Variants in MAD1L1 observed in about 807,000 individuals in gnomAD.
MAD1L1 encodes mitotic arrest deficient 1 like 1.
MAD1L1 carries 95 observed loss-of-function variants against 96.9 expected under a neutral mutation model. That is an observed-to-expected ratio of 0.98 (90% CI 0.83 to 1.16). MAD1L1 has a LOEUF of 1.16. Ranked by LOEUF, MAD1L1 falls within the 50% of genes most tolerant of loss-of-function variation. The probability of loss-of-function intolerance (pLI) is 0.00; values close to 1 mark genes in which losing one functional copy is unlikely to be tolerated. For synonymous variants in MAD1L1, 473 were observed against 396.6 expected, an observed-to-expected ratio of 1.19 and a Z score of -2.29; for missense variants, 1,007 against 954.4, an observed-to-expected ratio of 1.06 and a Z score of -0.73.
intron 17 of MAD1L1, among the ~76,000 whole-genome samples, chr7:1,900,363 G>T (rs1787170279): frequency 6.6e-6 from 1 of 152,218 alleles, no homozygotes; most frequent in African/African-American, 2.4e-5. Context: ...GTCAGCAGAG[G>T]GGCCCTGGCG....
intron 10 of MAD1L1, among the ~76,000 whole-genome samples, chr7:2,178,705 TG>T (rs1342526031): frequency 6.6e-6 from 1 of 152,156 alleles, no homozygotes; most frequent in African/African-American, 2.4e-5. Flanking sequence ...GAGACAAGCC[TG>T]GCCAACATGG....
At chr7:2,020,274 G>T (rs571345910) in intron 12 of MAD1L1, among the ~76,000 whole-genome samples, 5 of 152,078 alleles carry the variant, frequency 3.3e-5, no homozygotes, top group African/African-American at 1.2e-4. Flanking sequence ...ACTAACCCCC[G>T]CTCTGGGCTG....
intron 11 of MAD1L1, among the ~76,000 whole-genome samples, chr7:2,130,762 T>C (rs963814862): frequency 6.6e-6 from 1 of 152,144 alleles, no homozygotes; most frequent in Non-Finnish European, 1.5e-5. Context: ...CAGTCACCGA[T>C]CTTTGTGATG....
chr7:1,987,564 T>A lies in MAD1L1; in HGVS notation c.1417-7023A>T, dbSNP rs377172238. On this transcript the variant is annotated intron_variant, in intron 14 of 18. Coordinates refer to ENST00000265854, the MANE Select transcript of MAD1L1 (RefSeq NM_001013836.2). ...TCAGTATTTAAGGGAAGGAAAGCCA[T>A]CGGGGAGGGGGGGAGAGGCAGGTGG... 1.1e-4 allele frequency among the ~76,000 whole-genome samples: 16 copies of A among 141,468 alleles called. No homozygotes were observed. The East Asian group carries it at 3.1e-3, about 28-fold the overall frequency. 92.8% of individuals were successfully genotyped at this position (141,468 alleles called of 152,430 possible).
At chr7:2,000,477 G>A (rs990084589) in intron 14 of MAD1L1, among the ~76,000 whole-genome samples, 9 of 152,248 alleles carry the variant, frequency 5.9e-5, no homozygotes, top group Non-Finnish European at 1.0e-4. Context: ...CAACCACCGC[G>A]GACCCCGCTT....
intron 12 of MAD1L1, among the ~76,000 whole-genome samples, chr7:2,030,213 G>A (rs1004077126): frequency 1.1e-4 from 17 of 152,122 alleles, no homozygotes; most frequent in African/African-American, 3.4e-4. Context: ...CGCGCTCCAC[G>A]GAAGGTCCAC....
At chr7:2,205,816 T>C (rs1329953972) in intron 10 of MAD1L1, among the ~76,000 whole-genome samples, 2 of 150,876 alleles carry the variant, frequency 1.3e-5, no homozygotes, top group Non-Finnish European at 2.9e-5. Context: ...ATTTACCACC[T>C]ATATATCTTC....
At chr7:1,929,284 G>A (rs1420139760) in intron 17 of MAD1L1, among the ~76,000 whole-genome samples, 1 of 152,130 alleles carries the variant, frequency 6.6e-6, no homozygotes, top group Non-Finnish European at 1.5e-5. Flanking sequence ...AGGATCAGCT[G>A]TGCCCACACA....
intron 16 of MAD1L1, among the ~76,000 whole-genome samples, chr7:1,938,788 G>A (rs1409467929): frequency 7.7e-6 from 1 of 129,826 alleles, no homozygotes; most frequent in East Asian, 2.5e-4. Flanking sequence ...ACAGAGACCA[G>A]GACTGGGACC....
intron 18 of MAD1L1, among the ~76,000 whole-genome samples, chr7:1,874,207 G>A (rs1420537287): frequency 1.3e-5 from 2 of 152,206 alleles, no homozygotes; most frequent in African/African-American, 4.8e-5. Context: ...GGCCGTCTCG[G>A]TGCACGGCTG....
intron 11 of MAD1L1, among the ~76,000 whole-genome samples, chr7:2,123,775 A>C (rs1788097169): frequency 6.6e-6 from 1 of 152,246 alleles, no homozygotes; most frequent in Non-Finnish European, 1.5e-5. Flanking sequence ...GGAATCAGTC[A>C]GGTAAATGCC....
At chr7:2,229,152 C>G (rs1794065755) in intron 3 of MAD1L1, among the ~76,000 whole-genome samples, 1 of 152,218 alleles carries the variant, frequency 6.6e-6, no homozygotes, top group African/African-American at 2.4e-5. Context: ...GCGCAGGAAG[C>G]CAGAGCCTCC....
chr7:2,220,213 A>G lies in MAD1L1; in HGVS notation c.472-757T>C, dbSNP rs550684227. Reference sequence around the variant, plus strand: ...GGGGAGGCCGTGCGCTTGGAACGGGAGCACGCGGCACGGGCAGGAGCGCCC... The same window carrying G: ...GGGGAGGCCGTGCGCTTGGAACGGGGGCACGCGGCACGGGCAGGAGCGCCC... On this transcript the variant is annotated intron_variant, in intron 5 of 18. Coordinates refer to ENST00000265854, the MANE Select transcript of MAD1L1 (RefSeq NM_001013836.2). 2.3e-3 allele frequency among the ~76,000 whole-genome samples: 357 copies of G among 152,276 alleles called. 3 individuals carry two copies. Among genetic ancestry groups the G allele is most frequent in the African/African-American group, 8.0e-3 (333 of 41,554 alleles).
chr7:1,897,786 G>A (rs1786975573), intron 18 of MAD1L1, among the ~76,000 whole-genome samples: 1 of 152,206 alleles, frequency 6.6e-6, no homozygotes, highest in African/African-American at 2.4e-5. Flanking sequence ...GGACTGCGCT[G>A]TCCCACTGCG....
intron 18 of MAD1L1, among the ~76,000 whole-genome samples, chr7:1,852,369 C>A (rs559403946): frequency 1.3e-5 from 2 of 152,160 alleles, no homozygotes; most frequent in African/African-American, 4.8e-5. Context: ...GTCTCTGCCA[C>A]CCTTAGACTC....
intron 17 of MAD1L1, among the ~76,000 whole-genome samples, chr7:1,899,279 G>C (rs1787095372): frequency 6.6e-6 from 1 of 152,214 alleles, no homozygotes; most frequent in Admixed American, 6.5e-5. Flanking sequence ...TAATTATCAG[G>C]ACTGGCTCCA....
intron 11 of MAD1L1, among the ~76,000 whole-genome samples, chr7:2,073,651 G>A (rs1785239925): frequency 6.6e-6 from 1 of 151,468 alleles, no homozygotes. Context: ...CCGGTCTGAG[G>A]AAATGCAGTG....
chr7:1,896,726 T>C (rs972167722), intron 18 of MAD1L1, among the ~76,000 whole-genome samples: 3 of 152,198 alleles, frequency 2.0e-5, no homozygotes, highest in African/African-American at 7.2e-5. Context: ...TGCCCCAAGG[T>C]TCCGCTGCAG....
intron 14 of MAD1L1, among the ~76,000 whole-genome samples, chr7:2,000,238 G>A (rs894140868): frequency 2.0e-5 from 3 of 151,956 alleles, no homozygotes; most frequent in African/African-American, 7.3e-5. Flanking sequence ...TACCTCACCT[G>A]CATCTCCCTT....
Sources: gnomAD v4.1 joint callset for allele counts (sites outside exome capture counted in the v4.1 genomes callset) on GRCh38, gnomAD v4.1.1 for gene constraint, MANE v1.5 for transcripts, NCBI Gene and HGNC (gene_info 2026-07-23, HGNC 2026-07-21) for gene names.